The following ARHGEF33 variants were observed in gnomAD, a reference collection of about 807,000 sequenced individuals.
ARHGEF33 encodes the protein Rho guanine nucleotide exchange factor 33.
A neutral mutation model predicts 101.9 loss-of-function variants in ARHGEF33; 72 were observed. The observed-to-expected ratio is 0.71, with a 90% CI of 0.58 to 0.86. The LOEUF is 0.86. ARHGEF33 is among the 40% of genes least tolerant of loss of function. The probability of loss-of-function intolerance (pLI) is 0.00; values close to 1 mark genes in which losing one functional copy is unlikely to be tolerated. For synonymous variants in ARHGEF33, 499 were observed against 442.5 expected, an observed-to-expected ratio of 1.13 and a Z score of -1.60; for missense variants, 1,169 against 1,111.3, an observed-to-expected ratio of 1.05 and a Z score of -0.74.
intron 2 of ARHGEF33, among the ~76,000 whole-genome samples, chr2:38,902,007 C>T (rs1475156183): frequency 2.0e-5 from 3 of 151,786 alleles, no homozygotes; most frequent in South Asian, 2.1e-4. Context: ...CCCAGCTACT[C>T]GGGAGGCTGA....
chr2:38,950,968 C>T, intron 10 of ARHGEF33, 21 bp from the exon 11 acceptor site: 1 of 1,548,482 alleles, frequency 6.5e-7, no homozygotes, highest in Non-Finnish European at 8.7e-7. Context: ...TTGTGTGATT[C>T]CGTCTCTATT....
At chr2:38,948,035 G>T (rs1002219806) in intron 10 of ARHGEF33, among the ~76,000 whole-genome samples, 1 of 151,894 alleles carries the variant, frequency 6.6e-6, no homozygotes, top group Non-Finnish European at 1.5e-5. Flanking sequence ...TAAAAACTTT[G>T]AAGGCTTTAG....
chr2:38,955,505 T>TTTG (rs1667717903), intron 13 of ARHGEF33, among the ~76,000 whole-genome samples: 1 of 141,084 alleles, frequency 7.1e-6, no homozygotes, highest in Non-Finnish European at 1.5e-5. Flanking sequence ...TTTTTTTTTT[T>TTTG]TGAGTCAGGG....
intron 8 of ARHGEF33, chr2:38,936,970 C>A (rs1370572514): frequency 1.3e-5 from 2 of 148,922 alleles, no homozygotes; most frequent in South Asian, 4.4e-4. Context: ...AAGCGAAACT[C>A]CGTCTCAAAA....
chr2:38,889,983 T>TG lies in ARHGEF33; in HGVS notation c.-159+1dup, dbSNP rs1247980822. On this transcript the variant is annotated 5_prime_UTR_variant, in exon 1 of 18. An upstream open reading frame in the 5' UTR gains an earlier in-frame stop. Coordinates refer to ENST00000409978, the MANE Select transcript of ARHGEF33 (RefSeq NM_001145451.5). ...GATGATATAACCACCGCAGGCAACA[T>TG]GGGGTAAGTATGCGCTTTTATATGC... 4 of 469,288 alleles carry TG rather than the reference T, an allele frequency of 8.5e-6. No homozygotes were observed. The highest frequency in any genetic ancestry group is 4.7e-5 in the Admixed American group (2 of 42,284). 29.1% of individuals were successfully genotyped at this position (469,288 alleles called of 1,614,324 possible). A position where few individuals can be genotyped will look rare whatever the true frequency, so the allele number is the denominator to read the frequency against.
chr2:38,971,461 G>A (rs1668165829), intron 17 of ARHGEF33, among the ~76,000 whole-genome samples: 1 of 152,104 alleles, frequency 6.6e-6, no homozygotes, highest in Non-Finnish European at 1.5e-5. Flanking sequence ...AGCCATTTTT[G>A]TTTTATAGAG....
At chr2:38,899,027 A>AT (rs532389641) in intron 2 of ARHGEF33, among the ~76,000 whole-genome samples, 18 of 150,502 alleles carry the variant, frequency 1.2e-4, no homozygotes, top group East Asian at 3.9e-4. Flanking sequence ...TAACTCATTA[A>AT]TTTTTTTTTT....
In ARHGEF33 at chr2:38,935,742, G is replaced by A. The variant is rs781540618; in HGVS notation, c.506-33G>A. Reference sequence around the variant, plus strand: ...GGTGCTTAGTCCATGTTAGTGGAATGAACGCTGAATGAATGCTTTCCTTTC... The same window carrying A: ...GGTGCTTAGTCCATGTTAGTGGAATAAACGCTGAATGAATGCTTTCCTTTC... On this transcript the variant is annotated intron_variant, in intron 7 of 17. Coordinates refer to ENST00000409978, the MANE Select transcript of ARHGEF33 (RefSeq NM_001145451.5). The A allele has an allele frequency of 7.8e-6, 12 of 1,541,750 alleles. No individual in the cohort carries two copies. The South Asian group carries it at 1.4e-4, about 18-fold the overall frequency.
intron 2 of ARHGEF33, among the ~76,000 whole-genome samples, chr2:38,902,298 T>G (rs1666266977): frequency 6.6e-6 from 1 of 152,262 alleles, no homozygotes; most frequent in South Asian, 2.1e-4. Context: ...GTTGATATAT[T>G]TGGGCAAGGC....
chr2:38,966,368 T>C (rs1297331518), intron 17 of ARHGEF33, among the ~76,000 whole-genome samples: 4 of 152,208 alleles, frequency 2.6e-5, no homozygotes. Flanking sequence ...TTCTGTCTTT[T>C]ATCCCTCCTT....
At chr2:38,914,597 G>A (rs1315563163) in intron 2 of ARHGEF33, among the ~76,000 whole-genome samples, 1 of 151,682 alleles carries the variant, frequency 6.6e-6, no homozygotes, top group Non-Finnish European at 1.5e-5. Context: ...AAACCGGGAG[G>A]CGGAGGTTGC....
intron 7 of ARHGEF33, among the ~76,000 whole-genome samples, chr2:38,932,075 CT>C (rs1553342286): frequency 1.3e-5 from 2 of 152,112 alleles, no homozygotes; most frequent in Non-Finnish European, 2.9e-5. Context: ...AATCAAGTGG[CT>C]TTTAACTGGC....
intron 2 of ARHGEF33, among the ~76,000 whole-genome samples, chr2:38,910,426 A>G (rs1666484181): frequency 6.6e-6 from 1 of 152,158 alleles, no homozygotes; most frequent in Admixed American, 6.6e-5. Context: ...AAAAGAAATT[A>G]GCTGGGTGTG....
intron 17 of ARHGEF33, among the ~76,000 whole-genome samples, chr2:38,971,358 C>T (rs1345325470): frequency 1.3e-5 from 2 of 152,194 alleles, no homozygotes; most frequent in Non-Finnish European, 2.9e-5. Flanking sequence ...TCCTGGCAGC[C>T]ATGGTACCCT....
chr2:38,966,195 T>A lies in ARHGEF33; in HGVS notation c.2483+50T>A, dbSNP rs111240091. 4,527 of 1,534,538 alleles carry A rather than the reference T, an allele frequency of 3.0e-3. 124 individuals are homozygous for A. The African/African-American group carries it at 0.054, about 18-fold the overall frequency. On this transcript the variant is annotated intron_variant, in intron 17 of 17. Transcript: ENST00000409978. Reference sequence around the variant, plus strand: ...CATTGTAACTCATTTCCCTTTGGGCTAAATCTTGAGGTTTTAACAATAATA... The same window carrying A: ...CATTGTAACTCATTTCCCTTTGGGCAAAATCTTGAGGTTTTAACAATAATA...
intron 17 of ARHGEF33, among the ~76,000 whole-genome samples, chr2:38,972,353 G>C (rs936604812): frequency 6.6e-6 from 1 of 152,142 alleles, no homozygotes; most frequent in Non-Finnish European, 1.5e-5. Context: ...AACTCGGGGG[G>C]GTTCCTGAAA....
intron 1 of ARHGEF33, among the ~76,000 whole-genome samples, chr2:38,894,742 G>A (rs1052950941): frequency 1.3e-5 from 2 of 152,150 alleles, no homozygotes; most frequent in Non-Finnish European, 2.9e-5. Context: ...GTTTCTACTT[G>A]TATTGCATGG....
chr2:38,939,222 C>T (rs1667236779), intron 9 of ARHGEF33, among the ~76,000 whole-genome samples: 1 of 152,210 alleles, frequency 6.6e-6, no homozygotes, highest in African/African-American at 2.4e-5. Context: ...GATCTGCCTG[C>T]CTTGGCCTCC....
chr2:38,950,269 G>T (rs1572769962), intron 10 of ARHGEF33, among the ~76,000 whole-genome samples: 1 of 152,170 alleles, frequency 6.6e-6, no homozygotes, highest in African/African-American at 2.4e-5. Flanking sequence ...GCTGAGAATG[G>T]TCTTGTAGAT....
Sources: allele counts gnomAD v4.1 joint callset (sites outside exome capture counted in the v4.1 genomes callset), GRCh38; gene constraint gnomAD v4.1.1; transcripts MANE v1.5; gene names NCBI Gene and HGNC (gene_info 2026-07-23, HGNC 2026-07-21).